UGT1A8: variants seen among roughly 807,000 people sequenced by gnomAD.
UGT1A8 encodes UDP glucuronosyltransferase family 1 member A8.
In UGT1A8, 39 loss-of-function variants were observed where a neutral mutation model predicts 45.3. That is an observed-to-expected ratio of 0.86 (90% CI 0.67 to 1.12). UGT1A8 has a LOEUF of 1.12. UGT1A8 is among the 50% of genes most tolerant of loss of function. The pLI is 0.00. For synonymous variants in UGT1A8, 275 were observed against 249.2 expected, an observed-to-expected ratio of 1.10 and a Z score of -0.97; for missense variants, 719 against 664.9, an observed-to-expected ratio of 1.08 and a Z score of -0.90.
intron 1 of UGT1A8, among the ~76,000 whole-genome samples, chr2:233,627,648 C>T (rs555099891): frequency 9.6e-5 from 14 of 146,022 alleles, no homozygotes; most frequent in Non-Finnish European, 2.0e-4. Flanking sequence ...TTCCTTCCTT[C>T]CTTCCTTCCT....
intron 1 of UGT1A8, among the ~76,000 whole-genome samples, chr2:233,632,758 A>G (rs778416010): frequency 4.6e-5 from 7 of 152,210 alleles, no homozygotes; most frequent in Non-Finnish European, 1.0e-4. Flanking sequence ...TTCTAAATAT[A>G]CAATCATGTC....
intron 1 of UGT1A8, among the ~76,000 whole-genome samples, chr2:233,765,843 C>G (rs546022798): frequency 2.0e-4 from 31 of 152,086 alleles, no homozygotes; most frequent in African/African-American, 7.2e-4. Context: ...TTTCCTTGTC[C>G]CCCTCACAGA....
In UGT1A8 at chr2:233,712,082, T is replaced by C. The variant is rs1559358101; in HGVS notation, c.856-54952T>C. Among the ~76,000 whole-genome samples the C allele has an allele frequency of 2.0e-5, 3 of 152,248 alleles. No homozygotes were observed. In the South Asian group the frequency reaches 6.2e-4, roughly 32 times the overall value. Reference sequence around the variant, plus strand: ...TAATCTTCAGGATGAAATAAAGGCCTGGATGAATGGACACTTCAGTCTCTA... The same window carrying C: ...TAATCTTCAGGATGAAATAAAGGCCCGGATGAATGGACACTTCAGTCTCTA... On this transcript the variant is annotated intron_variant, in intron 1 of 4. Coordinates refer to ENST00000373450, the MANE Select transcript of UGT1A8 (RefSeq NM_019076.5).
chr2:233,630,958 T>C (rs570903553), intron 1 of UGT1A8, among the ~76,000 whole-genome samples: 43 of 152,010 alleles, frequency 2.8e-4, no homozygotes, highest in Middle Eastern at 3.4e-3. Flanking sequence ...CTACATTAGG[T>C]ATTTCTCCTA....
chr2:233,754,732 C>T (rs561827604), intron 1 of UGT1A8: 4 of 641,140 alleles, frequency 6.2e-6, no homozygotes, highest in African/African-American at 5.6e-5. Flanking sequence ...CCATCACTAC[C>T]GTAGGACATG....
chr2:233,701,855 G>A (rs1575472427), intron 1 of UGT1A8, among the ~76,000 whole-genome samples: 2 of 152,134 alleles, frequency 1.3e-5, no homozygotes, highest in East Asian at 1.9e-4. Flanking sequence ...GTGTGTAGAG[G>A]GAAATTTATA....
chr2:233,621,446 C>G (rs1267263752), intron 1 of UGT1A8, among the ~76,000 whole-genome samples: 4 of 152,276 alleles, frequency 2.6e-5, no homozygotes, highest in Admixed American at 6.5e-5. Flanking sequence ...GGTTACAGAG[C>G]AAGAAAAGAT....
chr2:233,658,582 G>A (rs940155412), intron 1 of UGT1A8, among the ~76,000 whole-genome samples: 7 of 152,106 alleles, frequency 4.6e-5, no homozygotes, highest in African/African-American at 7.2e-5. Context: ...AGTTCTGGTC[G>A]GATGTTCTGT....
chr2:233,663,492 TG>T (rs1213880247), intron 1 of UGT1A8, among the ~76,000 whole-genome samples: 1 of 152,094 alleles, frequency 6.6e-6, no homozygotes, highest in Non-Finnish European at 1.5e-5. Context: ...TGGTGCCAGC[TG>T]ATCCATCAAG....
intron 1 of UGT1A8, among the ~76,000 whole-genome samples, chr2:233,742,519 G>A (rs1399638498): frequency 6.6e-6 from 1 of 151,888 alleles, no homozygotes; most frequent in Admixed American, 6.5e-5. Flanking sequence ...ACACGTCACA[G>A]TGCTGCAGAG....
At chr2:233,669,012 G>T (rs567533015) in intron 1 of UGT1A8, among the ~76,000 whole-genome samples, 1 of 152,314 alleles carries the variant, frequency 6.6e-6, no homozygotes, top group Admixed American at 6.5e-5. Flanking sequence ...TGGTAACACA[G>T]GGGTTATAGG....
chr2:233,705,563 G>A (rs775639563), intron 1 of UGT1A8, among the ~76,000 whole-genome samples: 1 of 152,172 alleles, frequency 6.6e-6, no homozygotes, highest in Non-Finnish European at 1.5e-5. Context: ...ATTGCTTGTG[G>A]CAAGGGATAG....
intron 1 of UGT1A8, among the ~76,000 whole-genome samples, chr2:233,630,341 G>T (rs2073164603): frequency 6.6e-6 from 1 of 152,130 alleles, no homozygotes; most frequent in African/African-American, 2.4e-5. Flanking sequence ...ATACCCCGAG[G>T]TTGTCTGCAG....
chr2:233,618,646 A>C, intron 1 of UGT1A8, 84 bp downstream of exon 1: 1 of 1,519,270 alleles, frequency 6.6e-7, no homozygotes, highest in Non-Finnish European at 8.8e-7. Flanking sequence ...GTGATTTGAC[A>C]TTTTCATTTG....
chr2:233,662,406 C>T (rs2073992009), intron 1 of UGT1A8, among the ~76,000 whole-genome samples: 1 of 152,130 alleles, frequency 6.6e-6, no homozygotes, highest in South Asian at 2.1e-4. Context: ...AACAAATCTG[C>T]CCATAAATGG....
At chr2:233,757,535 A>AATAAATATACATATAC (rs1553619837) in intron 1 of UGT1A8, among the ~76,000 whole-genome samples, 3 of 88,310 alleles carry the variant, frequency 3.4e-5, no homozygotes, top group African/African-American at 1.5e-4. Context: ...GCCTGTAAGG[A>AATAAATATACATATAC]ATATATATAT....
chr2:233,720,719 T>G (rs77826548), intron 1 of UGT1A8, among the ~76,000 whole-genome samples: 1 of 151,710 alleles, frequency 6.6e-6, no homozygotes, highest in African/African-American at 2.4e-5. Flanking sequence ...TTTTTTTTTT[T>G]TCTTGAGACT....
chr2:233,763,526 C>T (rs17864704), intron 1 of UGT1A8, among the ~76,000 whole-genome samples: 1 of 152,330 alleles, frequency 6.6e-6, no homozygotes, highest in Non-Finnish European at 1.5e-5. Flanking sequence ...TTGCCATTCT[C>T]CTTTTTCCGG....
At chr2:233,723,213 CTTTT>C (rs201420005) in intron 1 of UGT1A8, among the ~76,000 whole-genome samples, 3 of 88,884 alleles carry the variant, frequency 3.4e-5, no homozygotes, top group African/African-American at 5.6e-5. Context: ...TCAAAACTGA[CTTTT>C]TTTTTTTTTT....
Sources: allele counts gnomAD v4.1 joint callset (sites outside exome capture counted in the v4.1 genomes callset), GRCh38; gene constraint gnomAD v4.1.1; transcripts MANE v1.5; gene names NCBI Gene and HGNC (gene_info 2026-07-23, HGNC 2026-07-21).